TNRC18: variants seen among roughly 807,000 people sequenced by gnomAD.
TNRC18 encodes the protein trinucleotide repeat-containing gene 18 protein.
Under a neutral mutation model 226.7 loss-of-function variants are expected in TNRC18, and 69 were observed. That is an observed-to-expected ratio of 0.30 (90% CI 0.25 to 0.37). The LOEUF (loss-of-function observed/expected upper bound fraction) is 0.37, where lower values mean the gene tolerates loss of function less well. Ranked by LOEUF, TNRC18 falls within the 10% of genes least tolerant of loss-of-function variation. TNRC18 has a pLI of 1.00. For missense variants in TNRC18, 4,754 were observed against 4,256.6 expected (o/e 1.12, Z -3.25); for synonymous variants, 2,449 against 1,927.6 (o/e 1.27, Z -7.09).
intron 5 of TNRC18, among the ~76,000 whole-genome samples, chr7:5,378,653 C>T (rs1051876977): frequency 1.3e-5 from 2 of 151,726 alleles, no homozygotes; most frequent in African/African-American, 2.4e-5. Flanking sequence ...CTCCTGACCT[C>T]GTGATCCACC....
At chr7:5,422,049 G>A (rs1430886516) in intron 1 of TNRC18, among the ~76,000 whole-genome samples, 3 of 152,242 alleles carry the variant, frequency 2.0e-5, no homozygotes, top group Admixed American at 2.0e-4. Flanking sequence ...GGTGGGAGGA[G>A]GGAGGGTCCA....
chr7:5,363,398 G>C (rs1289002175), intron 11 of TNRC18, among the ~76,000 whole-genome samples: 1 of 151,934 alleles, frequency 6.6e-6, no homozygotes, highest in South Asian at 2.1e-4. Flanking sequence ...GTCAGGAGAT[G>C]GAGACCATCC....
At chr7:5,371,438 C>A in intron 10 of TNRC18, 74 bp from the exon 11 acceptor site, 1 of 1,428,224 alleles carries the variant, frequency 7.0e-7, no homozygotes, top group Non-Finnish European at 9.1e-7. Flanking sequence ...ACCCGCCCAC[C>A]ACCCCAGACA....
intron 24 of TNRC18, among the ~76,000 whole-genome samples, chr7:5,318,042 T>C (rs1248013867): frequency 6.6e-6 from 1 of 152,100 alleles, no homozygotes; most frequent in Non-Finnish European, 1.5e-5. Context: ...CAGCTTATTT[T>C]TGTATTTTTA....
At chr7:5,351,681 G>T in intron 17 of TNRC18, 138 bp downstream of exon 17, 6 of 921,524 alleles carry the variant, frequency 6.5e-6, no homozygotes, top group Non-Finnish European at 8.0e-6. Context: ...AACCCAGATG[G>T]CAGCCTTCTT....
intron 3 of TNRC18, among the ~76,000 whole-genome samples, chr7:5,391,065 A>G (rs1243899783): frequency 6.6e-6 from 1 of 152,184 alleles, no homozygotes; most frequent in Non-Finnish European, 1.5e-5. Flanking sequence ...GATCGAGACC[A>G]TCGAACCCTG....
chr7:5,362,175 T>G (rs969088871), intron 12 of TNRC18, 142 bp from the exon 13 acceptor site: 1 of 1,026,592 alleles, frequency 9.7e-7, no homozygotes, highest in Non-Finnish European at 1.4e-6. Flanking sequence ...ACCTCCTGAC[T>G]GTGGCCATGG....
chr7:5,365,927 C>T (rs1043873009), intron 11 of TNRC18, among the ~76,000 whole-genome samples: 9 of 152,044 alleles, frequency 5.9e-5, no homozygotes, highest in East Asian at 5.8e-4. Context: ...AAAAACTAGC[C>T]GGGCCTGGTG....
At chr7:5,362,095 G>A (rs1793117831) in intron 12 of TNRC18, 62 bp from the exon 13 acceptor site, 7 of 1,576,658 alleles carry the variant, frequency 4.4e-6, no homozygotes, top group African/African-American at 2.7e-5. Flanking sequence ...GACGCCCACC[G>A]CCCACCCAGG....
Position 5,376,048 on chromosome 7 carries a change from T to C in TNRC18, c.2785A>G (p.Ser929Gly). 1 of 1,594,958 alleles carries C rather than the reference T, an allele frequency of 6.3e-7. No homozygotes were observed. The highest frequency in any genetic ancestry group is 8.5e-7 in the Non-Finnish European group (1 of 1,172,196). Residue 929 changes from serine (S) to glycine (G), a missense_variant, in exon 9 of 30, where the codon AGC becomes GGC. Coordinates refer to ENST00000430969, the MANE Select transcript of TNRC18 (RefSeq NM_001080495.3). ...QAAQALELQR[S>G]AQLVQERLKA... ...CCCCGACTTACCACGAGCTGGGCGC[T>C]CCTCTGCAGTTCCAAGGCCTGGGCC... is the stretch of plus-strand genomic sequence containing the variant.
chr7:5,406,225 G>A (rs1047782424), intron 2 of TNRC18, among the ~76,000 whole-genome samples: 24 of 151,808 alleles, frequency 1.6e-4, no homozygotes, highest in African/African-American at 5.1e-4. Flanking sequence ...AGCACTTTGG[G>A]AGGCCGACGG....
At position 5,362,651 on chromosome 7, in the gene TNRC18, C is replaced by T. The variant is rs59807577; in HGVS notation, c.4394G>A (p.Arg1465Gln). The T allele has an allele frequency of 6.7e-5, 105 of 1,564,954 alleles. No individual in the cohort carries two copies. In the East Asian group the frequency reaches 2.3e-3, roughly 34 times the overall value. ...GGGAGGAAGCAGCCAGCCGCTCACCCGCTCCTCCTTCTTGCGCATCCAGCT... is the reference window on the plus strand; with the variant it reads ...GGGAGGAAGCAGCCAGCCGCTCACCTGCTCCTCCTTCTTGCGCATCCAGCT... ...KYSWMRKKEE[R>Q]MYAMKSSLED... Residue 1465 changes from arginine to glutamine, a missense_variant and splice_region_variant, in exon 12 of 30, where the codon CGG becomes CAG. Arg to Gln is a conservative substitution (Grantham distance 43, BLOSUM62 1). Transcript: ENST00000430969.
At chr7:5,340,574 T>TA (rs35345181) in intron 18 of TNRC18, among the ~76,000 whole-genome samples, 10 of 148,972 alleles carry the variant, frequency 6.7e-5, no homozygotes, top group African/African-American at 1.2e-4. Context: ...CCATCTCTAC[T>TA]AAAAAAAAAA....
chr7:5,400,611 CAAAT>C (rs965250349), intron 2 of TNRC18, among the ~76,000 whole-genome samples: 3 of 152,012 alleles, frequency 2.0e-5, no homozygotes, highest in Admixed American at 6.6e-5. Flanking sequence ...GACTCTCTCT[CAAAT>C]AAATAAATAT....
Position 5,309,191 on chromosome 7 carries a change from C to T in TNRC18, c.8566G>A (p.Val2856Ile). Residue 2856 changes from valine to isoleucine, a missense_variant, in exon 28 of 30, where the codon GTC becomes ATC. Coordinates refer to ENST00000430969, the MANE Select transcript of TNRC18 (RefSeq NM_001080495.3). The surrounding 1 kb of genome is among the most constrained non-coding windows in gnomAD (Gnocchi z 5.7). ...ESWGNNMVVR[V>I]KWFYHPEETS... is the part of the protein sequence containing the mutation. The stretch of plus-strand genomic sequence containing the variant: ...TCCTCGGGGTGGTAGAACCACTTGA[C>T]GCGGACCACCATGTTGTTGCCCCAC... 4 of 1,613,262 alleles carry T rather than the reference C, an allele frequency of 2.5e-6. No homozygotes were observed. The highest frequency in any genetic ancestry group is 1.7e-6 in the Non-Finnish European group (2 of 1,179,784).
At chr7:5,351,150 C>T (rs780058788) in intron 17 of TNRC18, among the ~76,000 whole-genome samples, 2 of 151,764 alleles carry the variant, frequency 1.3e-5, no homozygotes, top group Non-Finnish European at 2.9e-5. Context: ...CACAGGCAAG[C>T]GGCAGGCGGC....
At position 5,362,963 on chromosome 7, in the gene TNRC18, T is replaced by C. The variant is rs192255363; in HGVS notation, c.4220-138A>G. On this transcript the variant is annotated intron_variant, in intron 11 of 29. Coordinates refer to ENST00000430969, the MANE Select transcript of TNRC18 (RefSeq NM_001080495.3). ...CAAGGTGCTGAGTAGACAGAGGCCT[T>C]TGTGACATGCCGGAAGTCCTGAGCA... The C allele has an allele frequency of 4.1e-4, 346 of 848,276 alleles. No homozygotes were observed. The African/African-American group carries it at 4.5e-3, about 11-fold the overall frequency. 52.5% of individuals were successfully genotyped at this position (848,276 alleles called of 1,614,324 possible). A position where few individuals can be genotyped will look rare whatever the true frequency, so the allele number is the denominator to read the frequency against.
At chr7:5,345,525 C>A in intron 18 of TNRC18, 37 bp downstream of exon 18, 1 of 217,344 alleles carries the variant, frequency 4.6e-6, no homozygotes, top group Admixed American at 6.3e-5. Flanking sequence ...CCGCCCCTCC[C>A]ACCCACCCCC....
At position 5,332,763 on chromosome 7, in the gene TNRC18, G is replaced by A. The variant is rs763010267; in HGVS notation, c.6006C>T (p.Ile2002=). 12 of 1,519,138 alleles carry A rather than the reference G, an allele frequency of 7.9e-6. No homozygotes were observed. The South Asian group carries it at 1.3e-4, about 17-fold the overall frequency. The allele number at this position is 1,519,138 out of a possible 1,614,324, so 94.1% of individuals were successfully genotyped here. A position where few individuals can be genotyped will look rare whatever the true frequency, so the allele number is the denominator to read the frequency against. The part of the protein sequence containing the change: ...DLWTRRRSER[I]FLHDASAAAP... ...CAGCAGCCGAGGCGTCGTGCAGGAA[G>A]ATGCGCTCGCTGCGGCGCCGCGTCC... is the stretch of plus-strand genomic sequence containing the variant. Residue 2002 remains isoleucine, a synonymous_variant, in exon 19 of 30, where the codon ATC becomes ATT. Coordinates refer to ENST00000430969, the MANE Select transcript of TNRC18 (RefSeq NM_001080495.3).
Sources: allele counts gnomAD v4.1 joint callset (sites outside exome capture counted in the v4.1 genomes callset), GRCh38; gene constraint gnomAD v4.1.1; non-coding constraint Gnocchi (gnomAD v3.1); transcripts MANE v1.5; gene names NCBI Gene and HGNC (gene_info 2026-07-23, HGNC 2026-07-21).